Variants in RPTOR observed in about 807,000 individuals in gnomAD.
The protein encoded by RPTOR is regulatory-associated protein of mTOR.
A neutral mutation model predicts 169.9 loss-of-function variants in RPTOR; 21 were observed. That is an observed-to-expected ratio of 0.12 (90% confidence interval 0.09 to 0.18). RPTOR has a LOEUF of 0.18. RPTOR is among the 10% of genes least tolerant of loss of function. The probability of loss-of-function intolerance (pLI) is 1.00; values close to 1 mark genes in which losing one functional copy is unlikely to be tolerated. For synonymous variants in RPTOR, 732 were observed against 753.2 expected (o/e 0.97, Z 0.46); for missense variants, 1,133 against 1,855.9 (o/e 0.61, Z 7.16).
chr17:80,947,456 C>G lies in RPTOR; in HGVS notation c.3265+105C>G. ...TTTGTACATCTGTCTTACAGAAAGC[C>G]CTGCTCACACGCGAGGGCCACTGTC... is the stretch of plus-strand genomic sequence containing the variant. On this transcript the variant is annotated intron_variant, in intron 27 of 33. Coordinates refer to ENST00000306801, the MANE Select transcript of RPTOR (RefSeq NM_020761.3). This position sits in a 1 kb window ranked among gnomAD's most constrained non-coding sequence, Gnocchi z 4.4. 1 of 1,375,586 alleles carries G rather than the reference C, an allele frequency of 7.3e-7. No homozygotes were observed. The highest frequency in any genetic ancestry group is 9.5e-7 in the Non-Finnish European group (1 of 1,056,482). The allele number at this position is 1,375,586 out of a possible 1,614,324, so 85.2% of individuals were successfully genotyped here. A position where few individuals can be genotyped will look rare whatever the true frequency, so the allele number is the denominator to read the frequency against.
intron 21 of RPTOR, among the ~76,000 whole-genome samples, chr17:80,910,428 G>A (rs1003509319): frequency 6.6e-6 from 1 of 152,114 alleles, no homozygotes; most frequent in Non-Finnish European, 1.5e-5. Context: ...AAAATTTTTT[G>A]GTAACTTTTT....
At chr17:80,689,944 G>A (rs138248534) in intron 3 of RPTOR, among the ~76,000 whole-genome samples, 38 of 152,112 alleles carry the variant, frequency 2.5e-4, no homozygotes, top group Non-Finnish European at 4.4e-4. Flanking sequence ...TTGGAGAAAC[G>A]CTTCATGCAA....
intron 3 of RPTOR, among the ~76,000 whole-genome samples, chr17:80,654,178 G>A (rs1164252427): frequency 2.6e-5 from 4 of 152,336 alleles, no homozygotes; most frequent in African/African-American, 9.6e-5. Flanking sequence ...CCAGGGGGTC[G>A]CACCCTCACT....
intron 1 of RPTOR, among the ~76,000 whole-genome samples, chr17:80,598,003 G>T (rs1280219381): frequency 1.3e-5 from 2 of 152,122 alleles, no homozygotes; most frequent in South Asian, 4.1e-4. Flanking sequence ...TTAGCTGGGT[G>T]TGGTGGTGCA....
chr17:80,881,753 T>A (rs1467949192), intron 14 of RPTOR, among the ~76,000 whole-genome samples: 1 of 152,182 alleles, frequency 6.6e-6, no homozygotes, highest in Non-Finnish European at 1.5e-5. Flanking sequence ...CCCGGGGAAG[T>A]CAAGGCTGCA....
intron 20 of RPTOR, among the ~76,000 whole-genome samples, chr17:80,901,685 C>T (rs571548566): frequency 1.3e-5 from 2 of 152,320 alleles, no homozygotes; most frequent in South Asian, 4.1e-4. Flanking sequence ...TTAGTCCTTT[C>T]AGTGAAGATT....
chr17:80,834,688 C>T (rs1660395489), intron 9 of RPTOR, among the ~76,000 whole-genome samples: 1 of 152,224 alleles, frequency 6.6e-6, no homozygotes, highest in Non-Finnish European at 1.5e-5. Flanking sequence ...GCATCCTGTC[C>T]GGTGTGCTGA....
At chr17:80,603,650 G>A (rs2065207727) in intron 1 of RPTOR, among the ~76,000 whole-genome samples, 1 of 152,202 alleles carries the variant, frequency 6.6e-6, no homozygotes, top group Non-Finnish European at 1.5e-5. Flanking sequence ...CTAGGCGAAA[G>A]GGTGCATGGG....
At chr17:80,613,754 C>G (rs533452076) in intron 1 of RPTOR, among the ~76,000 whole-genome samples, 1 of 146,284 alleles carries the variant, frequency 6.8e-6, no homozygotes, top group African/African-American at 2.6e-5. Flanking sequence ...CACAGGTGCT[C>G]TCTATGGTTG....
chr17:80,755,202 C>T (rs368531988), intron 6 of RPTOR, among the ~76,000 whole-genome samples: 14 of 152,208 alleles, frequency 9.2e-5, no homozygotes, highest in African/African-American at 2.7e-4. Context: ...CAGCGCAGCC[C>T]TCACATTAAC....
intron 10 of RPTOR, among the ~76,000 whole-genome samples, chr17:80,839,456 A>G (rs557638150): frequency 1.3e-5 from 2 of 152,186 alleles, no homozygotes; most frequent in Admixed American, 6.5e-5. Context: ...GGCATTGCAG[A>G]CCGCCCCGCA....
At chr17:80,696,343 G>A (rs761594013) in intron 3 of RPTOR, among the ~76,000 whole-genome samples, 35 of 152,334 alleles carry the variant, frequency 2.3e-4, no homozygotes, top group Non-Finnish European at 4.4e-4. Flanking sequence ...GACAGAATTT[G>A]TACTGCACAG....
intron 5 of RPTOR, among the ~76,000 whole-genome samples, chr17:80,741,196 G>A (rs186041986): frequency 2.0e-5 from 3 of 152,288 alleles, no homozygotes; most frequent in Admixed American, 1.3e-4. Flanking sequence ...CTAGAATAGC[G>A]CTTGGCCCAC....
At chr17:80,616,339 T>A (rs2065310159) in intron 1 of RPTOR, among the ~76,000 whole-genome samples, 1 of 139,132 alleles carries the variant, frequency 7.2e-6, no homozygotes, top group Non-Finnish European at 1.5e-5. Context: ...TCTCACTCTG[T>A]TGCCCAGGCT....
chr17:80,702,083 A>G (rs1444617864), intron 3 of RPTOR, among the ~76,000 whole-genome samples: 1 of 152,194 alleles, frequency 6.6e-6, no homozygotes, highest in Non-Finnish European at 1.5e-5. Flanking sequence ...TACGTGGAAA[A>G]TGCAGAATCT....
In RPTOR at chr17:80,584,489, A is replaced by G. The variant is rs148782940; in HGVS notation, c.162+38698A>G. 3.3e-3 allele frequency among the ~76,000 whole-genome samples: 508 copies of G among 152,264 alleles called. 1 individual carries two copies. The highest frequency in any genetic ancestry group is 0.012 in the African/African-American group (492 of 41,544). ...ACCGAGAACAAAGAGGACCACTGCT[A>G]TAAAAACCTCCAGAATCATCATCTG... On this transcript the variant is annotated intron_variant, in intron 1 of 33. Transcript: ENST00000306801.
chr17:80,752,706 T>G (rs552547726), intron 5 of RPTOR, among the ~76,000 whole-genome samples: 35 of 152,374 alleles, frequency 2.3e-4, no homozygotes, highest in African/African-American at 8.4e-4. Context: ...GATCCTGTTT[T>G]GTTGAATGCT....
At chr17:80,757,151 G>A (rs1470411905) in intron 6 of RPTOR, among the ~76,000 whole-genome samples, 3 of 152,204 alleles carry the variant, frequency 2.0e-5, no homozygotes, top group African/African-American at 7.2e-5. Context: ...CCAGTATGCA[G>A]ACTGGGGGCA....
intron 29 of RPTOR, among the ~76,000 whole-genome samples, chr17:80,958,713 A>G (rs1382678513): frequency 1.3e-5 from 2 of 152,180 alleles, no homozygotes; most frequent in Non-Finnish European, 2.9e-5. Flanking sequence ...GCGCCCGGCC[A>G]GAAGCCTCTT....
Sources: allele counts gnomAD v4.1 joint callset (sites outside exome capture counted in the v4.1 genomes callset), GRCh38; gene constraint gnomAD v4.1.1; non-coding constraint Gnocchi (gnomAD v3.1); transcripts MANE v1.5; gene names NCBI Gene and HGNC (gene_info 2026-07-23, HGNC 2026-07-21).